The following NCAM2 variants were observed in gnomAD, a reference collection of about 807,000 sequenced individuals.
NCAM2 encodes the protein N-CAM-2.
A neutral mutation model predicts 98.1 loss-of-function variants in NCAM2; 30 were observed. That is an observed-to-expected ratio of 0.31 (90% CI 0.23 to 0.41). The LOEUF (loss-of-function observed/expected upper bound fraction) is 0.41. Ranked by LOEUF, NCAM2 falls within the 10% of genes least tolerant of loss-of-function variation. The pLI is 1.00. For missense variants in NCAM2, 867 were observed against 1,005.8 expected, an observed-to-expected ratio of 0.86 and a Z score of 1.87; for synonymous variants, 368 against 342.4, an observed-to-expected ratio of 1.07 and a Z score of -0.83.
intron 1 of NCAM2, among the ~76,000 whole-genome samples, chr21:21,083,149 T>C (rs1054231526): frequency 3.3e-5 from 5 of 152,194 alleles, no homozygotes; most frequent in Non-Finnish European, 5.9e-5. Flanking sequence ...ATAATGGCAG[T>C]ACAGTAGTAG....
rs2068743007 is a variant in NCAM2, at chr21:21,189,291, A to G, written c.56-91287A>G. ...GAAAGTGAAGTTTTTAATATATAAT[A>G]AAATAAAAATAAAACTGGGTCATTT... On this transcript the variant is annotated intron_variant, in intron 1 of 17. Transcript: ENST00000400546. Among the ~76,000 whole-genome samples, 3 of 152,278 alleles carry G rather than the reference A, an allele frequency of 2.0e-5. No individual in the cohort carries two copies. The South Asian group carries it at 6.2e-4, about 32-fold the overall frequency.
chr21:21,192,572 A>G (rs191648620), intron 1 of NCAM2, among the ~76,000 whole-genome samples: 3 of 152,304 alleles, frequency 2.0e-5, no homozygotes, highest in African/African-American at 4.8e-5. Context: ...ACTTACAAAA[A>G]GTTTAGCTGA....
chr21:21,237,357 G>A (rs890397886), intron 1 of NCAM2, among the ~76,000 whole-genome samples: 1 of 151,948 alleles, frequency 6.6e-6, no homozygotes, highest in Admixed American at 6.6e-5. Flanking sequence ...TCTGTCAGTA[G>A]GTAAGATGAA....
chr21:21,369,996 A>G (rs2075878543), intron 8 of NCAM2, among the ~76,000 whole-genome samples: 1 of 151,706 alleles, frequency 6.6e-6, no homozygotes, highest in Non-Finnish European at 1.5e-5. Flanking sequence ...AACGACCCCA[A>G]GTTTGAGCTA....
At position 21,263,918 on chromosome 21, in the gene NCAM2, C is replaced by T. The variant is rs80283236; in HGVS notation, c.56-16660C>T. On this transcript the variant is annotated intron_variant, in intron 1 of 17. Transcript: ENST00000400546. ...ACATAAAAATCCTAAAAGAAATGTC[C>T]TTTGGGACATTAGCCTAGGCAAAGA... Among the ~76,000 whole-genome samples the T allele has an allele frequency of 2.1e-3, 316 of 151,830 alleles. 3 individuals carry two copies. The highest frequency in any genetic ancestry group is 7.2e-3 in the African/African-American group (298 of 41,502).
intron 9 of NCAM2, 52 bp from the exon 10 acceptor site, chr21:21,410,222 T>G (rs761212257): frequency 1.8e-4 from 183 of 997,214 alleles, no homozygotes; most frequent in Non-Finnish European, 2.0e-4. Flanking sequence ...ACTTAAATGA[T>G]TATTTAACTT....
chr21:21,265,988 A>G lies in NCAM2; in HGVS notation c.56-14590A>G, dbSNP rs569245552. 3.9e-5 allele frequency among the ~76,000 whole-genome samples: 6 copies of G among 152,260 alleles called. No individual in the cohort carries two copies. In the South Asian group the frequency reaches 1.2e-3, roughly 32 times the overall value. On this transcript the variant is annotated intron_variant, in intron 1 of 17. Transcript: ENST00000400546. ...TGTAATGATTGAATGAAAAATATTA[A>G]TGAATAAGTGAGGGTGTTATTTTGA...
At chr21:21,270,016 G>A (rs1300068806) in intron 1 of NCAM2, among the ~76,000 whole-genome samples, 2 of 152,000 alleles carry the variant, frequency 1.3e-5, no homozygotes, top group African/African-American at 4.8e-5. Flanking sequence ...ACCCACATTG[G>A]GGAAGACAAA....
At chr21:21,291,610 AT>A (rs1365924362) in intron 4 of NCAM2, among the ~76,000 whole-genome samples, 3 of 151,942 alleles carry the variant, frequency 2.0e-5, no homozygotes, top group Non-Finnish European at 2.9e-5. Flanking sequence ...TCTTTTTTAT[AT>A]CCTTTATATG....
At chr21:21,049,221 T>C (rs1180836055) in intron 1 of NCAM2, among the ~76,000 whole-genome samples, 1 of 145,560 alleles carries the variant, frequency 6.9e-6, no homozygotes, top group African/African-American at 2.5e-5. Flanking sequence ...GGGTTTCACC[T>C]TGTTAGCCAG....
intron 1 of NCAM2, among the ~76,000 whole-genome samples, chr21:21,008,050 A>C (rs1333446841): frequency 6.6e-6 from 1 of 152,194 alleles, no homozygotes; most frequent in Non-Finnish European, 1.5e-5. Context: ...ATGTTCTAGC[A>C]GTAACTTTGT....
At chr21:21,283,429 A>G (rs944641552) in intron 2 of NCAM2, among the ~76,000 whole-genome samples, 16 of 151,912 alleles carry the variant, frequency 1.1e-4, no homozygotes, top group African/African-American at 3.6e-4. Flanking sequence ...GCTTTAATGA[A>G]AGGATAGTAA....
intron 5 of NCAM2, among the ~76,000 whole-genome samples, chr21:21,318,301 C>A (rs186858595): frequency 6.6e-6 from 1 of 152,234 alleles, no homozygotes; most frequent in East Asian, 1.9e-4. Context: ...TATTTATTGA[C>A]TTGAGAGATC....
intron 16 of NCAM2, among the ~76,000 whole-genome samples, chr21:21,527,524 C>A (rs1260224874): frequency 1.3e-5 from 2 of 151,740 alleles, no homozygotes; most frequent in African/African-American, 2.4e-5. Flanking sequence ...AAAGAAGAGC[C>A]CAATTAGAAA....
chr21:21,108,711 A>G (rs888485095), intron 1 of NCAM2, among the ~76,000 whole-genome samples: 1 of 152,116 alleles, frequency 6.6e-6, no homozygotes, highest in Non-Finnish European at 1.5e-5. Flanking sequence ...TAGAATAAGG[A>G]CATTTCTACC....
At chr21:21,131,282 G>T (rs13049692) in intron 1 of NCAM2, among the ~76,000 whole-genome samples, 11 of 148,576 alleles carry the variant, frequency 7.4e-5, no homozygotes, top group Middle Eastern at 3.2e-3. Flanking sequence ...ATTTTTCTGG[G>T]GGGGGGCTTT....
chr21:21,420,875 C>CTAA, intron 11 of NCAM2, among the ~76,000 whole-genome samples: 1 of 151,860 alleles, frequency 6.6e-6, no homozygotes, highest in East Asian at 1.9e-4. Flanking sequence ...ATGAAGTGTG[C>CTAA]TAATTCTCAC....
chr21:21,041,856 A>G (rs1240730946), intron 1 of NCAM2, among the ~76,000 whole-genome samples: 1 of 152,198 alleles, frequency 6.6e-6, no homozygotes, highest in Non-Finnish European at 1.5e-5. Flanking sequence ...CTTGTTAGTC[A>G]TCAGACAAAT....
At chr21:21,403,798 C>T (rs1219261832) in intron 9 of NCAM2, among the ~76,000 whole-genome samples, 1 of 151,676 alleles carries the variant, frequency 6.6e-6, no homozygotes, top group Non-Finnish European at 1.5e-5. Context: ...CAAATAAAAC[C>T]AAAACATAAA....
Sources: gnomAD v4.1 joint callset for allele counts (sites outside exome capture counted in the v4.1 genomes callset) on GRCh38, gnomAD v4.1.1 for gene constraint, MANE v1.5 for transcripts, NCBI Gene and HGNC (gene_info 2026-07-23, HGNC 2026-07-21) for gene names.